CDKAL1: variants seen among roughly 807,000 people sequenced by gnomAD.
CDKAL1 encodes the protein threonylcarbamoyladenosine tRNA methylthiotransferase.
Under a neutral mutation model 68.2 loss-of-function variants are expected in CDKAL1, and 32 were observed. The ratio of observed to expected loss-of-function variants is 0.47; its 90% CI spans 0.35 to 0.63. The LOEUF (loss-of-function observed/expected upper bound fraction) is 0.63. CDKAL1 is among the 30% of genes least tolerant of loss of function. The pLI, the probability that CDKAL1 is intolerant of heterozygous loss-of-function variation, is 0.00. For synonymous variants in CDKAL1, 234 were observed against 244.3 expected (o/e 0.96, Z 0.39); for missense variants, 606 against 696.7 (o/e 0.87, Z 1.47).
chr6:21,205,593 T>TGC (rs1562115926), intron 15 of CDKAL1, among the ~76,000 whole-genome samples: 1 of 149,226 alleles, frequency 6.7e-6, no homozygotes, highest in East Asian at 2.0e-4. Flanking sequence ...TGCAGTGGCC[T>TGC]GATCTCGGCT....
chr6:20,918,184 C>T (rs1426401830), intron 9 of CDKAL1, among the ~76,000 whole-genome samples: 1 of 152,188 alleles, frequency 6.6e-6, no homozygotes, highest in East Asian at 1.9e-4. Context: ...AGAGAAGCCT[C>T]CATCTATGAG....
chr6:20,606,425 CG>C (rs1766336525), intron 4 of CDKAL1, among the ~76,000 whole-genome samples: 1 of 152,000 alleles, frequency 6.6e-6, no homozygotes, highest in African/African-American at 2.4e-5. Context: ...TAAGGTCGGC[CG>C]GATTGCTTCT....
intron 9 of CDKAL1, among the ~76,000 whole-genome samples, chr6:20,901,445 C>T (rs534895421): frequency 9.0e-4 from 137 of 151,524 alleles, no homozygotes; most frequent in Non-Finnish European, 1.3e-3. Context: ...GAGGCCGAGG[C>T]GGGCAGATCA....
chr6:20,574,365 C>T (rs538034869), intron 4 of CDKAL1, among the ~76,000 whole-genome samples: 2 of 152,112 alleles, frequency 1.3e-5, no homozygotes, highest in Non-Finnish European at 2.9e-5. Flanking sequence ...GGTATAGGGT[C>T]CTTATGTCTT....
At chr6:20,736,978 G>A (rs1773224771) in intron 5 of CDKAL1, among the ~76,000 whole-genome samples, 1 of 152,102 alleles carries the variant, frequency 6.6e-6, no homozygotes, top group Non-Finnish European at 1.5e-5. Flanking sequence ...CAAAACTTAA[G>A]AGATTTCCAT....
chr6:21,177,668 T>C (rs1777637901), intron 13 of CDKAL1, among the ~76,000 whole-genome samples: 1 of 151,866 alleles, frequency 6.6e-6, no homozygotes, highest in Non-Finnish European at 1.5e-5. Flanking sequence ...TCTGATCTTT[T>C]TTTTTTTTTT....
chr6:20,935,382 C>T (rs1363422314), intron 9 of CDKAL1, among the ~76,000 whole-genome samples: 2 of 151,594 alleles, frequency 1.3e-5, no homozygotes, highest in East Asian at 1.9e-4. Context: ...TCATTCTTCT[C>T]ATTTTTGTTG....
intron 4 of CDKAL1, among the ~76,000 whole-genome samples, chr6:20,614,652 T>C (rs1344087751): frequency 6.6e-6 from 1 of 152,206 alleles, no homozygotes; most frequent in East Asian, 1.9e-4. Context: ...GATTTATCTT[T>C]TTTTCCTTTT....
At chr6:21,082,377 A>G (rs559448099) in intron 12 of CDKAL1, among the ~76,000 whole-genome samples, 1 of 152,212 alleles carries the variant, frequency 6.6e-6, no homozygotes, top group Non-Finnish European at 1.5e-5. Flanking sequence ...TCTTTCAACA[A>G]TCTTTTTAGG....
intron 5 of CDKAL1, among the ~76,000 whole-genome samples, chr6:20,710,813 T>C (rs1771811629): frequency 6.6e-6 from 1 of 152,160 alleles, no homozygotes; most frequent in South Asian, 2.1e-4. Flanking sequence ...TGGCCAAGTA[T>C]TTTCAGTAAA....
chr6:21,007,214 A>G (rs1004083961), intron 11 of CDKAL1, among the ~76,000 whole-genome samples: 2 of 152,096 alleles, frequency 1.3e-5, no homozygotes, highest in Admixed American at 1.3e-4. Context: ...TGAGGCAGAC[A>G]GATTGCTTGA....
chr6:20,952,104 G>A (rs1432961512), intron 9 of CDKAL1, among the ~76,000 whole-genome samples: 3 of 151,588 alleles, frequency 2.0e-5, no homozygotes, highest in Admixed American at 1.3e-4. Flanking sequence ...GACTACAGGC[G>A]CCCGCCACCA....
At chr6:20,747,970 C>T (rs1045459830) in intron 6 of CDKAL1, among the ~76,000 whole-genome samples, 3 of 152,194 alleles carry the variant, frequency 2.0e-5, no homozygotes, top group African/African-American at 7.2e-5. Context: ...CCAGGAATTT[C>T]ACAGTGTCAG....
Position 21,231,060 on chromosome 6 carries a change from C to G in CDKAL1, c.*21C>G. 9 of 1,530,816 alleles carry G rather than the reference C, an allele frequency of 5.9e-6. No homozygotes were observed. Among genetic ancestry groups the G allele is most frequent in the Non-Finnish European group, 8.0e-6 (9 of 1,119,774 alleles). 94.8% of individuals were successfully genotyped at this position (1,530,816 alleles called of 1,614,324 possible). ...ATTAGAATACAACTAATGGAAACAT[C>G]TATAAAGAAGAATACATTTCTAATT... On this transcript the variant is annotated 3_prime_UTR_variant, in exon 16 of 16. Transcript: ENST00000274695.
chr6:21,085,881 G>A (rs1430639500), intron 12 of CDKAL1, among the ~76,000 whole-genome samples: 1 of 152,174 alleles, frequency 6.6e-6, no homozygotes, highest in Non-Finnish European at 1.5e-5. Flanking sequence ...GCATCAGAGT[G>A]GAGAAAGGCT....
intron 9 of CDKAL1, among the ~76,000 whole-genome samples, chr6:20,865,771 T>A (rs1428237499): frequency 6.6e-6 from 1 of 152,174 alleles, no homozygotes; most frequent in Non-Finnish European, 1.5e-5. Context: ...TTCTGCCACA[T>A]ATACTTCCAT....
intron 9 of CDKAL1, among the ~76,000 whole-genome samples, chr6:20,876,847 C>T (rs1428608081): frequency 6.6e-6 from 1 of 151,978 alleles, no homozygotes; most frequent in African/African-American, 2.4e-5. Context: ...TTATGATATA[C>T]ACACACACAC....
intron 11 of CDKAL1, among the ~76,000 whole-genome samples, chr6:21,027,060 T>C (rs1769002971): frequency 1.3e-5 from 2 of 152,094 alleles, no homozygotes; most frequent in South Asian, 2.1e-4. Context: ...TTGGCATTCC[T>C]TTACTTCTAA....
intron 10 of CDKAL1, among the ~76,000 whole-genome samples, chr6:20,966,939 G>A (rs866731234): frequency 6.6e-6 from 1 of 152,048 alleles, no homozygotes; most frequent in African/African-American, 2.4e-5. Flanking sequence ...TATTGCGTTT[G>A]TATTGGTTTA....
Sources: gnomAD v4.1 joint callset for allele counts (sites outside exome capture counted in the v4.1 genomes callset) on GRCh38, gnomAD v4.1.1 for gene constraint, MANE v1.5 for transcripts, NCBI Gene and HGNC (gene_info 2026-07-23, HGNC 2026-07-21) for gene names.